RPS6KA6: variants seen among roughly 807,000 people sequenced by gnomAD.
RPS6KA6 encodes the protein ribosomal protein S6 kinase A6.
RPS6KA6 carries 27 observed loss-of-function variants against 65.4 expected under a neutral mutation model. The ratio of observed to expected loss-of-function variants is 0.41; its 90% CI spans 0.30 to 0.57. RPS6KA6 has a LOEUF of 0.57. Among genes scored for constraint, RPS6KA6 ranks in the 20% least tolerant of loss-of-function variants. The probability of loss-of-function intolerance (pLI) is 0.24; values close to 1 mark genes in which losing one functional copy is unlikely to be tolerated. For missense variants in RPS6KA6, 486 were observed against 555.6 expected, an observed-to-expected ratio of 0.87 and a Z score of 1.26; for synonymous variants, 190 against 184.2, an observed-to-expected ratio of 1.03 and a Z score of -0.26.
chrX:84,093,248 T>C (rs1289627856), intron 20 of RPS6KA6, among the ~76,000 whole-genome samples: 1 of 111,796 alleles, frequency 8.9e-6, no homozygotes, highest in East Asian at 2.8e-4. Flanking sequence ...AAGAGACAAA[T>C]GAAGAGGCAA....
intron 20 of RPS6KA6, among the ~76,000 whole-genome samples, chrX:84,076,063 G>A (rs1302665817): frequency 3.6e-5 from 4 of 111,131 alleles, no homozygotes; most frequent in Non-Finnish European, 5.7e-5. Flanking sequence ...GTGCCAATGT[G>A]TTTGACAATG....
intron 20 of RPS6KA6, among the ~76,000 whole-genome samples, chrX:84,069,351 G>C (rs1238729421): frequency 9.0e-6 from 1 of 111,705 alleles, no homozygotes; most frequent in African/African-American, 3.3e-5. Context: ...TGGGAAAACT[G>C]GCTAGCTATA....
intron 1 of RPS6KA6, among the ~76,000 whole-genome samples, chrX:84,180,828 T>C (rs747342812): frequency 2.5e-4 from 28 of 111,636 alleles, no homozygotes; most frequent in African/African-American, 9.1e-4. Flanking sequence ...AGGGGGGAGA[T>C]AGCAATGTAT....
At chrX:84,162,952 T>A (rs1445792701) in intron 2 of RPS6KA6, among the ~76,000 whole-genome samples, 1 of 112,133 alleles carries the variant, frequency 8.9e-6, no homozygotes, top group Non-Finnish European at 1.9e-5. Flanking sequence ...TCTCATATTG[T>A]CAATCAAAAT....
intron 12 of RPS6KA6, among the ~76,000 whole-genome samples, chrX:84,113,943 A>G (rs2034517709): frequency 8.9e-6 from 1 of 112,285 alleles, no homozygotes; most frequent in Non-Finnish European, 1.9e-5. Flanking sequence ...TAAAAAAATA[A>G]AATCAACATA....
chrX:84,169,742 T>C (rs1290906171), intron 1 of RPS6KA6, among the ~76,000 whole-genome samples: 1 of 111,728 alleles, frequency 9.0e-6, no homozygotes, highest in Non-Finnish European at 1.9e-5. Flanking sequence ...AAATAAGAAC[T>C]AGATAAAAAG....
chrX:84,072,740 T>TATA (rs2033573767), intron 20 of RPS6KA6, among the ~76,000 whole-genome samples: 1 of 111,754 alleles, frequency 8.9e-6, no homozygotes, highest in Non-Finnish European at 1.9e-5. Flanking sequence ...CTAGCATTTC[T>TATA]ATATGACAAG....
intron 3 of RPS6KA6, among the ~76,000 whole-genome samples, chrX:84,148,423 T>G (rs2185855): frequency 0.12 from 13,562 of 108,841 alleles, 799 homozygotes; most frequent in East Asian, 0.57. Flanking sequence ...CTATAAATTA[T>G]TCTATAATTT....
intron 20 of RPS6KA6, among the ~76,000 whole-genome samples, chrX:84,095,324 G>A (rs1418501037): frequency 1.8e-5 from 2 of 110,788 alleles, no homozygotes; most frequent in African/African-American, 6.6e-5. Context: ...AAAGCTTCTG[G>A]GACCTAAAAG....
intron 12 of RPS6KA6, among the ~76,000 whole-genome samples, chrX:84,108,688 C>A (rs769919855): frequency 2.2e-4 from 24 of 111,516 alleles, no homozygotes; most frequent in Non-Finnish European, 4.5e-4. Flanking sequence ...CACGGAGCTG[C>A]CTGGAATCTG....
At chrX:84,072,648 A>G (rs772952637) in intron 20 of RPS6KA6, among the ~76,000 whole-genome samples, 10 of 112,116 alleles carry the variant, frequency 8.9e-5, no homozygotes, top group Non-Finnish European at 1.7e-4. Context: ...TTTATAGAAA[A>G]CACTAAAGAT....
intron 3 of RPS6KA6, among the ~76,000 whole-genome samples, chrX:84,155,353 C>T (rs192170731): frequency 7.5e-4 from 83 of 111,209 alleles, no homozygotes; most frequent in African/African-American, 2.6e-3. Context: ...CCTTAAATTG[C>T]GGTTTTTCTA....
chrX:84,097,787 T>TA lies in RPS6KA6; in HGVS notation c.1837dup (p.Tyr613LeufsTer12). 3 of 1,192,592 alleles carry TA rather than the reference T, an allele frequency of 2.5e-6. No individual in the cohort carries two copies. Among genetic ancestry groups the TA allele is most frequent in the Non-Finnish European group, 3.4e-6 (3 of 880,867 alleles). On this transcript the variant is annotated frameshift_variant, in exon 19 of 22. Coordinates refer to ENST00000262752, the MANE Select transcript of RPS6KA6 (RefSeq NM_014496.5). LOFTEE classifies it high-confidence loss of function. ...TGTTTCTTACCCAGCCAACATTGTG[T>TA]AAAAAAGGACTCCTAAACTCCAGAT...
intron 1 of RPS6KA6, among the ~76,000 whole-genome samples, chrX:84,187,038 T>C (rs941407197): frequency 5.4e-5 from 6 of 111,786 alleles, no homozygotes; most frequent in Admixed American, 4.7e-4. Context: ...AACCAAAGTA[T>C]TTTGGTTGAA....
At chrX:84,103,430 G>C (rs776259313) in intron 17 of RPS6KA6, among the ~76,000 whole-genome samples, 1 of 111,102 alleles carries the variant, frequency 9.0e-6, no homozygotes, top group Non-Finnish European at 1.9e-5. Flanking sequence ...TTCCCTACTA[G>C]TACTCTCTAT....
chrX:84,155,986 G>C, intron 3 of RPS6KA6, 89 bp downstream of exon 3: 1 of 501,985 alleles, frequency 2.0e-6, no homozygotes. Flanking sequence ...GTTTAGAAAC[G>C]ACTCATTAAT....
At chrX:84,099,859 A>G (rs1269182353) in intron 18 of RPS6KA6, among the ~76,000 whole-genome samples, 1 of 111,380 alleles carries the variant, frequency 9.0e-6, no homozygotes, top group Non-Finnish European at 1.9e-5. Flanking sequence ...TTTTCTCCTT[A>G]TTGTTAAGCT....
rs1189877292 is a variant in RPS6KA6 at position 84,060,034 on chromosome X, A to G, written c.*4243T>C. On this transcript the variant is annotated 3_prime_UTR_variant, in exon 22 of 22. Coordinates refer to ENST00000262752, the MANE Select transcript of RPS6KA6 (RefSeq NM_014496.5). Reference sequence around the variant, plus strand: ...AACCAAACTGAATTTTAGGTGATCAAGCATAACATTTTATTGAAAGTATAT... The same window carrying G: ...AACCAAACTGAATTTTAGGTGATCAGGCATAACATTTTATTGAAAGTATAT... 8.9e-6 allele frequency: 1 copy of G among 111,862 alleles called. No homozygotes were observed. The highest frequency in any genetic ancestry group is 1.9e-5 in the Non-Finnish European group (1 of 53,161). 9.2% of individuals were successfully genotyped at this position (111,862 alleles called of 1,213,427 possible).
chrX:84,111,373 C>G (rs1248887501), intron 12 of RPS6KA6, among the ~76,000 whole-genome samples: 1 of 110,737 alleles, frequency 9.0e-6, no homozygotes, highest in Non-Finnish European at 1.9e-5. Context: ...ACAAACATGA[C>G]CGAGGGATAT....
Sources: allele counts gnomAD v4.1 joint callset (sites outside exome capture counted in the v4.1 genomes callset), GRCh38; gene constraint gnomAD v4.1.1; transcripts MANE v1.5; gene names NCBI Gene and HGNC (gene_info 2026-07-23, HGNC 2026-07-21).